EIF4A3: variants seen among roughly 807,000 people sequenced by gnomAD.
The protein encoded by EIF4A3 is eukaryotic initiation factor 4A-III.
A neutral mutation model predicts 55.6 loss-of-function variants in EIF4A3; 1 was observed. The observed-to-expected ratio is 0.02, with a 90% CI of 0.01 to 0.09. EIF4A3 has a LOEUF of 0.09. Ranked by LOEUF, EIF4A3 falls within the 10% of genes least tolerant of loss-of-function variation. The probability of loss-of-function intolerance (pLI) is 1.00; values close to 1 mark genes in which losing one functional copy is unlikely to be tolerated. For missense variants in EIF4A3, 221 were observed against 540.7 expected (o/e 0.41, Z 5.86); for synonymous variants, 194 against 196.3 (o/e 0.99, Z 0.10).
At chr17:80,144,329 T>A in intron 1 of EIF4A3, 85 bp from the exon 2 acceptor site, 6 of 1,328,226 alleles carry the variant, frequency 4.5e-6, no homozygotes, top group Non-Finnish European at 6.4e-6. Flanking sequence ...GCAGACATGG[T>A]TTGTTTTTTG....
At chr17:80,139,214 A>G in intron 6 of EIF4A3, 52 bp from the exon 7 acceptor site, 1 of 1,606,656 alleles carries the variant, frequency 6.2e-7, no homozygotes, top group South Asian at 1.1e-5. Flanking sequence ...CACACCCAGA[A>G]ATGGAAGGTG....
rs1350584054 is a variant in EIF4A3, at chr17:80,146,890, A to T, written c.72T>A (p.Thr24=). The T allele has an allele frequency of 1.2e-6, 2 of 1,611,264 alleles. No homozygotes were observed. Among genetic ancestry groups the T allele is most frequent in the East Asian group, 2.2e-5 (1 of 44,570 alleles). The change falls in exon 1 of 12, where the codon ACT becomes ACA. Residue 24 remains threonine, a synonymous_variant. Coordinates refer to ENST00000649764, the MANE Select transcript of EIF4A3 (RefSeq NM_014740.4). ...RKRLLKEEDM[T]KVEFETSEEV... ...CCTCGCTGGTCTCGAATTCCACTTT[A>T]GTCATGTCTTCCTCTTTGAGCAGCC...
intron 3 of EIF4A3, 161 bp downstream of exon 3, chr17:80,141,621 G>C: frequency 2.7e-6 from 2 of 735,560 alleles, no homozygotes; most frequent in Non-Finnish European, 4.4e-6. Context: ...CAGAATATTA[G>C]TGCATATATT....
chr17:80,142,060 C>G (rs1474139538), intron 2 of EIF4A3, among the ~76,000 whole-genome samples: 2 of 152,140 alleles, frequency 1.3e-5, no homozygotes, highest in Non-Finnish European at 1.5e-5. Flanking sequence ...GGCTTCTGCA[C>G]GGGGGCAATG....
At chr17:80,135,820 A>C in intron 11 of EIF4A3, 184 bp downstream of exon 11, 1 of 706,428 alleles carries the variant, frequency 1.4e-6, no homozygotes, top group Non-Finnish European at 2.3e-6. Flanking sequence ...GCTTGAACCC[A>C]GGAGGCAGAG....
At chr17:80,138,622 G>C (rs544283975) in intron 7 of EIF4A3, 2 of 336,450 alleles carry the variant, frequency 5.9e-6, no homozygotes, top group South Asian at 8.0e-5. Context: ...TTTGAGACAG[G>C]GTCTTGCTCT....
At position 80,146,833 on chromosome 17, in the gene EIF4A3, C is replaced by G; in HGVS notation, c.129G>C (p.Met43Ile). The G allele has an allele frequency of 6.2e-7, 1 of 1,611,428 alleles. No homozygotes were observed. Among genetic ancestry groups the G allele is most frequent in the Non-Finnish European group, 8.5e-7 (1 of 1,179,184 alleles). The change falls in exon 1 of 12, where the codon ATG (methionine) becomes ATC (isoleucine). Residue 43 changes from methionine (M) to isoleucine (I), a missense_variant. Met to Ile is a conservative substitution (Grantham distance 10). Around this residue, in one of 4 missense-constraint regions of EIF4A3, gnomAD observed 85 missense variants for 205.8 expected, o/e 0.41. Coordinates refer to ENST00000649764, the MANE Select transcript of EIF4A3 (RefSeq NM_014740.4). ...EVDVTPTFDT[M>I]GLREDLLRGI... ...CCCGCAGCAGGTCCTCCCGCAGGCC[C>G]ATGGTGTCGAACGTGGGGGTCACAT...
intron 1 of EIF4A3, among the ~76,000 whole-genome samples, 175 bp downstream of exon 1, chr17:80,146,618 G>A (rs2039665376): frequency 6.6e-6 from 1 of 152,214 alleles, no homozygotes; most frequent in South Asian, 2.1e-4. Context: ...ACAGCCAGGC[G>A]TGAGGGCGAG....
At chr17:80,146,629 G>A (rs1409833260) in intron 1 of EIF4A3, among the ~76,000 whole-genome samples, 164 bp downstream of exon 1, 1 of 152,142 alleles carries the variant, frequency 6.6e-6, no homozygotes, top group African/African-American at 2.4e-5. Context: ...TGAGGGCGAG[G>A]ACGGGGGTGG....
chr17:80,146,011 T>C (rs980217731), intron 1 of EIF4A3, among the ~76,000 whole-genome samples: 1 of 152,174 alleles, frequency 6.6e-6, no homozygotes, highest in African/African-American at 2.4e-5. Flanking sequence ...TCTTTAAAAC[T>C]GTAAATGTGA....
intron 1 of EIF4A3, among the ~76,000 whole-genome samples, 166 bp downstream of exon 1, chr17:80,146,627 A>C (rs1380508461): frequency 1.3e-5 from 2 of 151,624 alleles, no homozygotes; most frequent in African/African-American, 2.4e-5. Context: ...CGTGAGGGCG[A>C]GGACGGGGGT....
intron 2 of EIF4A3, among the ~76,000 whole-genome samples, chr17:80,142,721 G>T (rs889633362): frequency 6.6e-6 from 1 of 152,002 alleles, no homozygotes. Context: ...TTCCCGCCTG[G>T]GTGACGAAGT....
Position 80,136,188 on chromosome 17 carries a change from T to C in EIF4A3, c.1091+40A>G, listed in dbSNP as rs141306153. 694 of 1,613,330 alleles carry C rather than the reference T, an allele frequency of 4.3e-4. 3 individuals are homozygous for C. In the African/African-American group the frequency reaches 7.6e-3, roughly 18 times the overall value. The stretch of plus-strand genomic sequence containing the variant: ...TATATAACAATCAAGATTTAGTAAA[T>C]GTGTCACAGAAGTGAAGCCAATGAG... On this transcript the variant is annotated intron_variant, in intron 10 of 11. Coordinates refer to ENST00000649764, the MANE Select transcript of EIF4A3 (RefSeq NM_014740.4).
intron 2 of EIF4A3, among the ~76,000 whole-genome samples, chr17:80,143,075 G>A (rs72850896): frequency 0.073 from 11,123 of 152,084 alleles, 451 homozygotes; most frequent in Middle Eastern, 0.092. Context: ...AAGCATTATG[G>A]TATTATCCCA....
Position 80,134,517 on chromosome 17 carries a change from C to CA in EIF4A3, c.*972dup, listed in dbSNP as rs926415042. Among the ~76,000 whole-genome samples the CA allele has an allele frequency of 4.2e-3, 606 of 145,596 alleles. 3 individuals carry two copies. Among genetic ancestry groups the CA allele is most frequent in the African/African-American group, 0.012 (466 of 39,280 alleles). The stretch of plus-strand genomic sequence containing the variant: ...AGATCCTGGGCTCTCAAAAAAACAA[C>CA]AAAAAAAAAAAATTAGAAAAATGAG... On this transcript the variant is annotated 3_prime_UTR_variant, in exon 12 of 12. Transcript: ENST00000649764.
At chr17:80,146,419 C>A (rs905856976) in intron 1 of EIF4A3, among the ~76,000 whole-genome samples, 4 of 152,300 alleles carry the variant, frequency 2.6e-5, no homozygotes, top group African/African-American at 9.6e-5. Context: ...TCCCCCCAAA[C>A]GAAATTCAAA....
At chr17:80,136,686 G>C (rs2039573229) in intron 9 of EIF4A3, 1 of 225,938 alleles carries the variant, frequency 4.4e-6, no homozygotes, top group Admixed American at 5.1e-5. Flanking sequence ...ACTTCAGCCG[G>C]GCATGGCGGC....
At chr17:80,137,832 T>C (rs2039585437) in intron 8 of EIF4A3, among the ~76,000 whole-genome samples, 1 of 152,148 alleles carries the variant, frequency 6.6e-6, no homozygotes, top group Non-Finnish European at 1.5e-5. Context: ...CCGACAGTTC[T>C]CAGGTCTGCC....
chr17:80,144,506 GT>G (rs1207354069), intron 1 of EIF4A3, among the ~76,000 whole-genome samples: 19 of 143,616 alleles, frequency 1.3e-4, no homozygotes, highest in African/African-American at 4.5e-4. Context: ...CAACAGTTTT[GT>G]TTAAAAAAAA....
Sources: gnomAD v4.1 joint callset for allele counts (sites outside exome capture counted in the v4.1 genomes callset) on GRCh38, gnomAD v4.1.1 for gene constraint, gnomAD v4.1.1 regional missense constraint, MANE v1.5 for transcripts, NCBI Gene and HGNC (gene_info 2026-07-23, HGNC 2026-07-21) for gene names.